Variants in PPP3CC observed in about 807,000 individuals in gnomAD.
PPP3CC encodes protein phosphatase 3 catalytic subunit gamma, also known as serine/threonine-protein phosphatase 2B catalytic subunit gamma isoform.
A neutral mutation model predicts 60.3 loss-of-function variants in PPP3CC; 35 were observed. That is an observed-to-expected ratio of 0.58 (90% CI 0.44 to 0.77). The LOEUF (loss-of-function observed/expected upper bound fraction) is 0.77. Ranked by LOEUF, PPP3CC falls within the 30% of genes least tolerant of loss-of-function variation. The pLI is 0.00. For missense variants in PPP3CC, 570 were observed against 628.9 expected (o/e 0.91, Z 1.00); for synonymous variants, 206 against 224.3 (o/e 0.92, Z 0.73).
chr8:22,495,052 A>T (rs1838525648), intron 3 of PPP3CC, among the ~76,000 whole-genome samples: 1 of 152,108 alleles, frequency 6.6e-6, no homozygotes, highest in South Asian at 2.1e-4. Flanking sequence ...GCCTCAAGGG[A>T]TCCTCCTGCC....
At chr8:22,478,943 C>G (rs1459432065) in intron 3 of PPP3CC, among the ~76,000 whole-genome samples, 1 of 152,058 alleles carries the variant, frequency 6.6e-6, no homozygotes, top group Non-Finnish European at 1.5e-5. Flanking sequence ...AGGGTTTTTT[C>G]TGCAATAACT....
At chr8:22,488,818 C>T (rs529483967) in intron 3 of PPP3CC, among the ~76,000 whole-genome samples, 4 of 152,308 alleles carry the variant, frequency 2.6e-5, no homozygotes, top group Admixed American at 6.5e-5. Context: ...AGGGGAACTA[C>T]ATTCCAGGCA....
chr8:22,480,877 CAT>C (rs1586817851), intron 3 of PPP3CC, among the ~76,000 whole-genome samples: 1 of 152,196 alleles, frequency 6.6e-6, no homozygotes, highest in East Asian at 1.9e-4. Context: ...GGGAGGCTAA[CAT>C]GTGTCCAGGA....
chr8:22,470,068 A>C (rs1837673653), intron 1 of PPP3CC, among the ~76,000 whole-genome samples: 1 of 150,294 alleles, frequency 6.7e-6, no homozygotes, highest in African/African-American at 2.5e-5. Flanking sequence ...ATACACACAC[A>C]CACACACACA....
intron 3 of PPP3CC, among the ~76,000 whole-genome samples, chr8:22,491,475 C>T (rs146729733): frequency 1.3e-5 from 2 of 152,304 alleles, no homozygotes; most frequent in East Asian, 1.9e-4. Context: ...CTCTTGCACT[C>T]ACTCTTAGGA....
intron 4 of PPP3CC, among the ~76,000 whole-genome samples, chr8:22,499,651 TAACA>T (rs1258657295): frequency 1.3e-5 from 2 of 152,210 alleles, no homozygotes; most frequent in African/African-American, 4.8e-5. Context: ...GGCTGCTCAC[TAACA>T]AACAGTATGA....
At chr8:22,527,692 G>T (rs1839595622) in intron 9 of PPP3CC, among the ~76,000 whole-genome samples, 175 bp downstream of exon 9, 1 of 150,802 alleles carries the variant, frequency 6.6e-6, no homozygotes, top group South Asian at 2.1e-4. Context: ...CTGGAGTGCA[G>T]TGGCACGATC....
At chr8:22,524,124 A>G (rs1198849027) in intron 8 of PPP3CC, among the ~76,000 whole-genome samples, 1 of 152,232 alleles carries the variant, frequency 6.6e-6, no homozygotes, top group Admixed American at 6.5e-5. Flanking sequence ...AATTACTATA[A>G]TAATACAGAT....
chr8:22,531,681 T>G (rs1331455010), intron 10 of PPP3CC, among the ~76,000 whole-genome samples: 2 of 152,248 alleles, frequency 1.3e-5, no homozygotes, highest in Non-Finnish European at 2.9e-5. Context: ...AGTGCACAGT[T>G]GTAAGTAGTA....
rs1462754908 is a variant in PPP3CC at position 22,525,499 on chromosome 8, T to TTTCTTTC, written c.944-1890_944-1884dup. On this transcript the variant is annotated intron_variant, in intron 8 of 13. Transcript: ENST00000240139. ...TCTTTCTGCTTCCTTTTCTTCTTTC[T>TTTCTTTC]TTCTTTCTTTCTTTCTTTCTTTCTT... 2.7e-3 allele frequency among the ~76,000 whole-genome samples: 216 copies of TTTCTTTC among 81,042 alleles called. 2 individuals carry two copies. Among genetic ancestry groups the TTTCTTTC allele is most frequent in the African/African-American group, 0.011 (205 of 18,126 alleles). 53.2% of individuals were successfully genotyped at this position (81,042 alleles called of 152,430 possible).
At position 22,511,118 on chromosome 8, in the gene PPP3CC, G is replaced by A; in HGVS notation, c.517G>A (p.Ala173Thr). Residue 173 changes from alanine to threonine, a missense_variant, in exon 5 of 14, where the codon GCC becomes ACC. By Grantham distance (58) the Ala-to-Thr change is moderately conservative. Coordinates refer to ENST00000240139, the MANE Select transcript of PPP3CC (RefSeq NM_005605.5). ...CAAATATTCGGAACAGGTGTATGATGCCTGTATGGAGACATTTGACTGTCT... is the reference window on the plus strand; with the variant it reads ...CAAATATTCGGAACAGGTGTATGATACCTGTATGGAGACATTTGACTGTCT... ...RIKYSEQVYD[A>T]CMETFDCLPL... The A allele has an allele frequency of 1.2e-6, 2 of 1,614,034 alleles. No individual in the cohort carries two copies. The highest frequency in any genetic ancestry group is 1.1e-5 in the South Asian group (1 of 91,082).
chr8:22,514,421 A>G (rs1261554282), intron 6 of PPP3CC, among the ~76,000 whole-genome samples: 2 of 152,044 alleles, frequency 1.3e-5, no homozygotes, highest in Admixed American at 6.6e-5. Context: ...CACACACATG[A>G]AACTTTGATT....
chr8:22,446,355 G>A lies in PPP3CC; in HGVS notation c.49+4897G>A, dbSNP rs1352281951. Among the ~76,000 whole-genome samples, 4 of 150,892 alleles carry A rather than the reference G, an allele frequency of 2.7e-5. No individual in the cohort carries two copies. In the East Asian group the frequency reaches 8.0e-4, roughly 30 times the overall value. On this transcript the variant is annotated intron_variant, in intron 1 of 13. Coordinates refer to ENST00000240139, the MANE Select transcript of PPP3CC (RefSeq NM_005605.5). ...TATTCTGGCGTCTAACGTCATATTT[G>A]TAAAGTAACATACTAATCACATCTT...
At chr8:22,531,074 A>T (rs1429238627) in intron 10 of PPP3CC, among the ~76,000 whole-genome samples, 2 of 152,294 alleles carry the variant, frequency 1.3e-5, no homozygotes, top group Non-Finnish European at 2.9e-5. Flanking sequence ...ATTAATGTAA[A>T]ACCATAAACT....
intron 6 of PPP3CC, among the ~76,000 whole-genome samples, chr8:22,521,915 G>A (rs1839414407): frequency 6.7e-6 from 1 of 149,068 alleles, no homozygotes; most frequent in Non-Finnish European, 1.5e-5. Flanking sequence ...AGTGAGCCGA[G>A]ATTGCACCAC....
intron 1 of PPP3CC, among the ~76,000 whole-genome samples, chr8:22,447,175 A>ATTTTTTTTTT (rs1161858120): frequency 8.6e-6 from 1 of 116,292 alleles, no homozygotes; most frequent in Non-Finnish European, 1.8e-5. Context: ...TGTCCAACTA[A>ATTTTTTTTTT]TTTTTTTTTT....
At chr8:22,458,906 G>T (rs1273645346) in intron 1 of PPP3CC, among the ~76,000 whole-genome samples, 1 of 152,214 alleles carries the variant, frequency 6.6e-6, no homozygotes, top group African/African-American at 2.4e-5. Context: ...TGTGGTCAAT[G>T]AATTTCTTCA....
rs1047487354 is a variant in PPP3CC at position 22,522,408 on chromosome 8, A to G, written c.771-83A>G. 3.9e-5 allele frequency: 42 copies of G among 1,080,172 alleles called. No homozygotes were observed. The African/African-American group carries it at 5.4e-4, about 14-fold the overall frequency. The allele number at this position is 1,080,172 out of a possible 1,614,324, so 66.9% of individuals were successfully genotyped here. A position where few individuals can be genotyped will look rare whatever the true frequency, so the allele number is the denominator to read the frequency against. ...TGTAGTTTTGAAACAAAATCAGCTA[A>G]TATCACCTTGACTTTTCCCCATCTT... On this transcript the variant is annotated intron_variant, in intron 6 of 13. Coordinates refer to ENST00000240139, the MANE Select transcript of PPP3CC (RefSeq NM_005605.5).
intron 3 of PPP3CC, among the ~76,000 whole-genome samples, chr8:22,484,543 T>C (rs1400645019): frequency 1.3e-5 from 2 of 152,168 alleles, no homozygotes; most frequent in Non-Finnish European, 2.9e-5. Context: ...ATTATAAGGG[T>C]TGTGAACTAA....
Sources: allele counts gnomAD v4.1 joint callset (sites outside exome capture counted in the v4.1 genomes callset), GRCh38; gene constraint gnomAD v4.1.1; transcripts MANE v1.5; gene names NCBI Gene and HGNC (gene_info 2026-07-23, HGNC 2026-07-21).